Variants in EIF2AK4 observed in about 807,000 individuals in gnomAD.
EIF2AK4 encodes eukaryotic translation initiation factor 2 alpha kinase 4, also known as eIF-2-alpha kinase GCN2.
In EIF2AK4, 139 loss-of-function variants were observed where a neutral mutation model predicts 211.1. The observed-to-expected ratio is 0.66, with a 90% CI of 0.57 to 0.76. The LOEUF (loss-of-function observed/expected upper bound fraction) is 0.76. EIF2AK4 is among the 30% of genes least tolerant of loss of function. The pLI is 0.00. For synonymous variants in EIF2AK4, 710 were observed against 751.3 expected, an observed-to-expected ratio of 0.94 and a Z score of 0.90; for missense variants, 1,664 against 2,043.8, an observed-to-expected ratio of 0.81 and a Z score of 3.58.
intron 8 of EIF2AK4, among the ~76,000 whole-genome samples, chr15:39,966,671 G>A (rs963432286): frequency 1.3e-5 from 2 of 152,156 alleles, no homozygotes; most frequent in Admixed American, 6.5e-5. Context: ...CGTAGATAAA[G>A]CATGGTGTTC....
Position 40,009,879 on chromosome 15 carries a change from A to T in EIF2AK4, c.3693+149A>T. The T allele has an allele frequency of 6.3e-6, 4 of 631,786 alleles. No individual in the cohort carries two copies. In the Admixed American group the frequency reaches 1.3e-4, roughly 20 times the overall value. The allele number at this position is 631,786 out of a possible 1,614,324, so 39.1% of individuals were successfully genotyped here. A position where few individuals can be genotyped will look rare whatever the true frequency, so the allele number is the denominator to read the frequency against. On this transcript the variant is annotated intron_variant, in intron 26 of 38. Coordinates refer to ENST00000263791, the MANE Select transcript of EIF2AK4 (RefSeq NM_001013703.4). ...TCCTTCATTGCTCTAAATTGAAAGA[A>T]CCAATTGATTTTAATTATATCAACA...
intron 14 of EIF2AK4, among the ~76,000 whole-genome samples, chr15:39,987,234 AGGATCAC>A (rs1359222114): frequency 6.6e-6 from 1 of 152,254 alleles, no homozygotes; most frequent in African/African-American, 2.4e-5. Flanking sequence ...GACATGCATC[AGGATCAC>A]GGTGTGGGCA....
At chr15:40,022,741 C>CA (rs2035409135) in intron 32 of EIF2AK4, 136 bp downstream of exon 32, 6 of 529,504 alleles carry the variant, frequency 1.1e-5, no homozygotes, top group Non-Finnish European at 1.9e-5. Flanking sequence ...TGTTGGGTTT[C>CA]TTTTTTTTTT....
At chr15:39,941,828 G>A (rs919062202) in intron 2 of EIF2AK4, among the ~76,000 whole-genome samples, 4 of 152,054 alleles carry the variant, frequency 2.6e-5, no homozygotes, top group African/African-American at 9.7e-5. Context: ...TCCAGATGTT[G>A]GCAGATATCC....
In EIF2AK4 at chr15:39,988,118, A is replaced by G. The variant is rs368789796; in HGVS notation, c.2526+13A>G. On this transcript the variant is annotated intron_variant, in intron 15 of 38. Transcript: ENST00000263791. ...TATCCATGAGAAAGTAAACTTTACAACATTTCATATCTGAAGACTTATGTT... is the reference window on the plus strand; with the variant it reads ...TATCCATGAGAAAGTAAACTTTACAGCATTTCATATCTGAAGACTTATGTT... 81 of 1,613,622 alleles carry G rather than the reference A, an allele frequency of 5.0e-5. No individual in the cohort carries two copies. The highest frequency in any genetic ancestry group is 4.9e-4 in the Middle Eastern group (3 of 6,062).
chr15:39,993,030 G>GTCCATCCATCCATCCA (rs1199022740), intron 18 of EIF2AK4, among the ~76,000 whole-genome samples, 182 bp downstream of exon 18: 4 of 146,568 alleles, frequency 2.7e-5, no homozygotes, highest in African/African-American at 7.7e-5. Context: ...GGAGCTTACA[G>GTCCATCCATCCATCCA]TCCATCCATC....
chr15:39,970,637 CA>C (rs998604048), intron 9 of EIF2AK4, among the ~76,000 whole-genome samples: 1 of 151,878 alleles, frequency 6.6e-6, no homozygotes, highest in Admixed American at 6.6e-5. Flanking sequence ...TTAAAAAAAT[CA>C]AAAAACAATA....
At chr15:39,964,353 A>G (rs1001697865) in intron 7 of EIF2AK4, among the ~76,000 whole-genome samples, 10 of 152,236 alleles carry the variant, frequency 6.6e-5, no homozygotes, top group African/African-American at 2.4e-4. Flanking sequence ...TATTATTTAT[A>G]TAAGAGAAAA....
In EIF2AK4 at chr15:39,967,399, T is replaced by C. The variant is rs2034559005; in HGVS notation, c.1073T>C (p.Val358Ala). The change falls in exon 9 of 39, where the codon GTA (valine) becomes GCA (alanine). Residue 358 changes from valine to alanine, a missense_variant. Around this residue, in one of 7 missense-constraint regions of EIF2AK4, gnomAD observed 641 missense variants for 729.6 expected, o/e 0.88. Transcript: ENST00000263791. ...NSLVKLSHPN[V>A]VRYLAMNLKE... is the part of the protein sequence containing the mutation. ...CTGGTAAAATTGAGCCATCCAAATG[T>C]AGTACGCTACCTTGCAATGAATCTC... The C allele has an allele frequency of 3.1e-6, 5 of 1,613,152 alleles. No homozygotes were observed. In the African/African-American group the frequency reaches 4.0e-5, roughly 13 times the overall value.
chr15:39,976,605 G>C lies in EIF2AK4; in HGVS notation c.2010G>C (p.Pro670=). The C allele has an allele frequency of 1.2e-6, 2 of 1,608,508 alleles. No homozygotes were observed. Among genetic ancestry groups the C allele is most frequent in the Non-Finnish European group, 8.5e-7 (1 of 1,178,068 alleles). Residue 670 remains proline, a synonymous_variant, in exon 12 of 39, where the codon CCG becomes CCC. Coordinates refer to ENST00000263791, the MANE Select transcript of EIF2AK4 (RefSeq NM_001013703.4). ...CGGCGGGACCGGGGACGCCGCCCCC[G>C]GACTCCGGGCCCCTGGCCAAGGATG... is the stretch of plus-strand genomic sequence containing the variant. ...ERPAGPGTPP[P]DSGPLAKDDR... is the part of the protein sequence containing the mutation.
At chr15:40,003,064 A>G in intron 22 of EIF2AK4, 129 bp from the exon 23 acceptor site, 10 of 1,385,838 alleles carry the variant, frequency 7.2e-6, no homozygotes, top group Non-Finnish European at 9.7e-6. Flanking sequence ...TAGAGAACTC[A>G]AGAAAAATTG....
intron 4 of EIF2AK4, among the ~76,000 whole-genome samples, chr15:39,952,216 T>C (rs1177059667): frequency 6.6e-6 from 1 of 152,224 alleles, no homozygotes; most frequent in Admixed American, 6.5e-5. Flanking sequence ...TTCACAGTAT[T>C]TAGACTTCCC....
chr15:39,947,610 G>C (rs1237928987), intron 3 of EIF2AK4, among the ~76,000 whole-genome samples: 1 of 152,196 alleles, frequency 6.6e-6, no homozygotes, highest in Non-Finnish European at 1.5e-5. Flanking sequence ...CACTGGGAAG[G>C]GAACAGACAG....
At chr15:39,958,870 A>T (rs2034428410) in intron 6 of EIF2AK4, among the ~76,000 whole-genome samples, 1 of 152,162 alleles carries the variant, frequency 6.6e-6, no homozygotes, top group Non-Finnish European at 1.5e-5. Flanking sequence ...TCCCCACTTG[A>T]AAAATTGTCA....
Position 39,976,626 on chromosome 15 carries a change from G to C in EIF2AK4, c.2031G>C (p.Lys677Asn). Reference sequence around the variant, plus strand: ...CCCCGGACTCCGGGCCCCTGGCCAAGGATGACCGAGCTGCACGCGGGCAGC... The same window carrying C: ...CCCCGGACTCCGGGCCCCTGGCCAACGATGACCGAGCTGCACGCGGGCAGC... ...TPPPDSGPLAKDDRAARGQPA... is the reference protein window; with the variant it reads ...TPPPDSGPLANDDRAARGQPA... The change falls in exon 12 of 39, where the codon AAG (lysine) becomes AAC (asparagine). Residue 677 changes from lysine to asparagine, a missense_variant. Transcript: ENST00000263791. 6.2e-7 allele frequency: 1 copy of C among 1,606,340 alleles called. No individual in the cohort carries two copies. Among genetic ancestry groups the C allele is most frequent in the Non-Finnish European group, 8.5e-7 (1 of 1,177,398 alleles).
At chr15:39,966,501 C>A (rs1234001017) in intron 8 of EIF2AK4, among the ~76,000 whole-genome samples, 293 of 140,076 alleles carry the variant, frequency 2.1e-3, no homozygotes, top group Non-Finnish European at 2.2e-3. Context: ...ACCCTGTCTC[C>A]AAAAAAAAAA....
At chr15:39,994,404 T>A (rs568195933) in intron 18 of EIF2AK4, among the ~76,000 whole-genome samples, 1 of 152,166 alleles carries the variant, frequency 6.6e-6, no homozygotes, top group African/African-American at 2.4e-5. Flanking sequence ...GCTCAGGAGT[T>A]CAAAACCAGC....
chr15:39,989,789 G>A (rs1223014294), intron 15 of EIF2AK4, among the ~76,000 whole-genome samples: 1 of 152,248 alleles, frequency 6.6e-6, no homozygotes, highest in Non-Finnish European at 1.5e-5. Context: ...CCTACTGTGT[G>A]TGCTGGGGAT....
chr15:40,032,690 G>A (rs968649211), intron 36 of EIF2AK4, 67 bp from the exon 37 acceptor site: 127 of 1,460,206 alleles, frequency 8.7e-5, no homozygotes, highest in Middle Eastern at 1.7e-4. Context: ...TGCATTTCAC[G>A]TGACACTATG....
Sources: allele counts gnomAD v4.1 joint callset (sites outside exome capture counted in the v4.1 genomes callset), GRCh38; gene constraint gnomAD v4.1.1; regional missense constraint gnomAD v4.1.1; transcripts MANE v1.5; gene names NCBI Gene and HGNC (gene_info 2026-07-23, HGNC 2026-07-21).